NEB: variants seen among roughly 807,000 people sequenced by gnomAD.
The protein encoded by NEB is nebulin.
Under a neutral mutation model 952.2 loss-of-function variants are expected in NEB, and 512 were observed. That is an observed-to-expected ratio of 0.54 (90% CI 0.50 to 0.58). NEB has a LOEUF of 0.58. Ranked by LOEUF, NEB falls within the 20% of genes least tolerant of loss-of-function variation. The pLI, the probability that NEB is intolerant of heterozygous loss-of-function variation, is 0.00. For synonymous variants in NEB, 2,900 were observed against 3,149.8 expected, an observed-to-expected ratio of 0.92 and a Z score of 2.66; for missense variants, 8,428 against 9,231.1, an observed-to-expected ratio of 0.91 and a Z score of 3.56.
chr2:151,654,135 C>T lies in NEB; in HGVS notation c.6808-36G>A, dbSNP rs1165683634. On this transcript the variant is annotated intron_variant, in intron 51 of 181. Coordinates refer to ENST00000397345, the MANE Select transcript of NEB (RefSeq NM_001164508.2). ...AAGATATTCTTCAGCATTATTCTGT[C>T]TATATAAAGAATATCAATAGATTAT... The T allele has an allele frequency of 2.2e-6, 3 of 1,368,972 alleles. No individual in the cohort carries two copies. The African/African-American group carries it at 4.4e-5, about 20-fold the overall frequency. The allele number at this position is 1,368,972 out of a possible 1,614,324, so 84.8% of individuals were successfully genotyped here. A position where few individuals can be genotyped will look rare whatever the true frequency, so the allele number is the denominator to read the frequency against.
At chr2:151,724,422 T>G in intron 7 of NEB, 58 bp from the exon 8 acceptor site, 2 of 1,326,928 alleles carry the variant, frequency 1.5e-6, no homozygotes, top group Non-Finnish European at 1.1e-6. Context: ...GCATGAGGAT[T>G]TAAACAACAA....
At chr2:151,673,666 T>A (rs1389211369) in intron 36 of NEB, among the ~76,000 whole-genome samples, 1 of 151,910 alleles carries the variant, frequency 6.6e-6, no homozygotes, top group East Asian at 1.9e-4. Context: ...AAGATTTTAT[T>A]CCCTGGGATA....
At chr2:151,490,146 A>T in intron 180 of NEB, 69 bp from the exon 181 acceptor site, 1 of 1,283,304 alleles carries the variant, frequency 7.8e-7, no homozygotes, top group South Asian at 1.4e-5. Context: ...TGTGTTTAGC[A>T]GCTGAGTGAT....
intron 29 of NEB, among the ~76,000 whole-genome samples, chr2:151,681,524 T>G (rs1414463546): frequency 6.6e-6 from 1 of 152,230 alleles, no homozygotes; most frequent in African/African-American, 2.4e-5. Flanking sequence ...GCATCATCAC[T>G]CTTTCGGCTT....
At position 151,525,165 on chromosome 2, in the gene NEB, C is replaced by T. The variant is rs751124198; in HGVS notation, c.22270G>A (p.Asp7424Asn). Residue 7424 changes from aspartate to asparagine, a missense_variant and splice_region_variant, in exon 151 of 182, where the codon GAT becomes AAT. Asp to Asn is a conservative substitution (Grantham distance 23, BLOSUM62 1). This residue lies in a region of NEB where 3,374 missense variants were observed against 3,651.5 expected (regional missense o/e 0.92). Coordinates refer to ENST00000397345, the MANE Select transcript of NEB (RefSeq NM_001164508.2). ...HAMEVAKKQSDVAYRKDAKEN... is the reference protein window; with the variant it reads ...HAMEVAKKQSNVAYRKDAKEN... ...GAGTGTTGAGAGGGAAAACTTACAT[C>T]ACTTTGCTTCTTGGCCACTTCCATA... 1.2e-6 allele frequency: 2 copies of T among 1,611,744 alleles called. No homozygotes were observed. The highest frequency in any genetic ancestry group is 1.7e-6 in the Non-Finnish European group (2 of 1,177,834).
chr2:151,627,953 C>T (rs2098555408), intron 68 of NEB, 119 bp from the exon 69 acceptor site: 2 of 1,313,730 alleles, frequency 1.5e-6, no homozygotes, highest in African/African-American at 1.5e-5. Context: ...AAAGAATCTG[C>T]ATATCAGTTT....
Position 151,733,137 on chromosome 2 carries a change from T to C in NEB, c.20A>G (p.Tyr7Cys). The C allele has an allele frequency of 1.2e-6, 2 of 1,605,242 alleles. No homozygotes were observed. Among genetic ancestry groups the C allele is most frequent in the Non-Finnish European group, 1.7e-6 (2 of 1,176,146 alleles). The change falls in exon 3 of 182, where the codon TAT (tyrosine) becomes TGT (cysteine). Residue 7 changes from tyrosine to cysteine, a missense_variant. Around this residue, in one of 11 missense-constraint regions of NEB, gnomAD observed 2,851 missense variants for 2,791.5 expected, o/e 1.02. Transcript: ENST00000397345. Reference sequence around the variant, plus strand: ...AAATCTTACCTCCACCACCTCCTCATAGTCTTCGTCATCTGCCATTTTTCC... The same window carrying C: ...AAATCTTACCTCCACCACCTCCTCACAGTCTTCGTCATCTGCCATTTTTCC... Reference protein sequence around the residue: MADDEDYEEVVEYYTEE... With the variant: MADDEDCEEVVEYYTEE...
intron 61 of NEB, 78 bp downstream of exon 61, chr2:151,640,277 G>A: frequency 4.5e-6 from 7 of 1,567,516 alleles, no homozygotes; most frequent in Non-Finnish European, 5.2e-6. Flanking sequence ...GTGAGCTTGT[G>A]CCATATATTG....
chr2:151,535,468 G>C (rs146227449), intron 142 of NEB, among the ~76,000 whole-genome samples: 4 of 152,276 alleles, frequency 2.6e-5, no homozygotes, highest in Non-Finnish European at 5.9e-5. Context: ...TGATGTTTGC[G>C]GGGCTCTCCC....
chr2:151,685,571 T>C (rs535113713), intron 27 of NEB, among the ~76,000 whole-genome samples: 1 of 152,288 alleles, frequency 6.6e-6, no homozygotes, highest in South Asian at 2.1e-4. Context: ...TTGCAGCAGT[T>C]AAAAGACTTC....
chr2:151,639,978 C>A lies in NEB; in HGVS notation c.8768G>T (p.Arg2923Met). 1 of 1,613,914 alleles carries A rather than the reference C, an allele frequency of 6.2e-7. No homozygotes were observed. ...IGSLDVEKCK[R>M]ATEILSDKIY... is the part of the protein sequence containing the mutation. Reference sequence around the variant, plus strand: ...TTTATCACTCAAAATTTCAGTTGCCCTTTTGCATTTTTCCACATCCAAAGA... The same window carrying A: ...TTTATCACTCAAAATTTCAGTTGCCATTTTGCATTTTTCCACATCCAAAGA... Residue 2923 changes from arginine (R) to methionine (M), a missense_variant, in exon 62 of 182, where the codon AGG becomes ATG. This residue lies in a region of NEB where 1,772 missense variants were observed against 1,960.3 expected (regional missense o/e 0.90). Coordinates refer to ENST00000397345, the MANE Select transcript of NEB (RefSeq NM_001164508.2).
At chr2:151,696,767 G>C in intron 16 of NEB, 32 bp from the exon 17 acceptor site, 1 of 1,552,746 alleles carries the variant, frequency 6.4e-7, no homozygotes, top group African/African-American at 1.4e-5. Flanking sequence ...TGGTTTAGTA[G>C]TATCACCTGT....
Position 151,618,302 on chromosome 2 carries a change from T to C in NEB, c.11049A>G (p.Ala3683=), listed in dbSNP as rs1373692135. 2 of 1,613,990 alleles carry C rather than the reference T, an allele frequency of 1.2e-6. No individual in the cohort carries two copies. Among genetic ancestry groups the C allele is most frequent in the Admixed American group, 3.3e-5 (2 of 60,026 alleles). ...TATTCATGTTTAAAGCATTGTTTTT[T>C]GCCAGCACCTGCTCCGGAGTGTCCG... The part of the protein sequence containing the change: ...SITDTPEQVL[A]KNNALNMNKR... The change falls in exon 74 of 182, where the codon GCA becomes GCG. Residue 3683 remains alanine, a synonymous_variant. Coordinates refer to ENST00000397345, the MANE Select transcript of NEB (RefSeq NM_001164508.2).
chr2:151,495,614 T>G (rs1295032427), intron 173 of NEB, among the ~76,000 whole-genome samples: 1 of 152,154 alleles, frequency 6.6e-6, no homozygotes, highest in African/African-American at 2.4e-5. Flanking sequence ...AGCACAAGCT[T>G]ACGGGAAATG....
chr2:151,560,545 G>T, intron 124 of NEB, 47 bp downstream of exon 124: 1 of 1,393,444 alleles, frequency 7.2e-7, no homozygotes, highest in Non-Finnish European at 1.0e-6. Context: ...GGAGAGCAGG[G>T]GAGGGGAGGG....
In NEB at chr2:151,524,551, G is replaced by A. The variant is rs2084202001; in HGVS notation, c.22338C>T (p.Ile7446=). The A allele has an allele frequency of 1.3e-6, 2 of 1,589,910 alleles. No individual in the cohort carries two copies. Among genetic ancestry groups the A allele is most frequent in the African/African-American group, 1.4e-5 (1 of 73,156 alleles). The part of the protein sequence containing the change: ...HYTTVADRPD[I]KKATQAAKQA... ...GTTTGGCTGCCTGTGTGGCCTTCTT[G>A]ATGTCTGGTCGATCAGCCACTGTGG... The change falls in exon 152 of 182, where the codon ATC becomes ATT. Residue 7446 remains isoleucine, a synonymous_variant. Coordinates refer to ENST00000397345, the MANE Select transcript of NEB (RefSeq NM_001164508.2).
At chr2:151,577,065 C>G (rs934038386) in intron 105 of NEB, among the ~76,000 whole-genome samples, 57 of 152,152 alleles carry the variant, frequency 3.7e-4, no homozygotes, top group African/African-American at 1.4e-3. Flanking sequence ...ATACCATTAC[C>G]AATGCAGACT....
chr2:151,636,706 G>C (rs1388884790), intron 63 of NEB, among the ~76,000 whole-genome samples: 1 of 152,076 alleles, frequency 6.6e-6, no homozygotes, highest in African/African-American at 2.4e-5. Flanking sequence ...ACTTGAACCT[G>C]GGAGGCGGAA....
chr2:151,529,586 A>G (rs184228859), intron 145 of NEB, among the ~76,000 whole-genome samples: 29 of 151,694 alleles, frequency 1.9e-4, no homozygotes, highest in Middle Eastern at 3.4e-3. Context: ...GCTGGAGTAC[A>G]ATGGTGTGAT....
Sources: gnomAD v4.1 joint callset for allele counts (sites outside exome capture counted in the v4.1 genomes callset) on GRCh38, gnomAD v4.1.1 for gene constraint, gnomAD v4.1.1 regional missense constraint, MANE v1.5 for transcripts, NCBI Gene and HGNC (gene_info 2026-07-23, HGNC 2026-07-21) for gene names.